RPH3A: variants seen among roughly 807,000 people sequenced by gnomAD.
RPH3A encodes the protein rabphilin-3A.
In RPH3A, 48 loss-of-function variants were observed where a neutral mutation model predicts 102.2. The ratio of observed to expected loss-of-function variants is 0.47; its 90% CI spans 0.37 to 0.60. The LOEUF (loss-of-function observed/expected upper bound fraction) is 0.60, where lower values mean the gene tolerates loss of function less well. RPH3A is among the 20% of genes least tolerant of loss of function. The pLI, the probability that RPH3A is intolerant of heterozygous loss-of-function variation, is 0.00. For synonymous variants in RPH3A, 310 were observed against 324.3 expected (o/e 0.96, Z 0.47); for missense variants, 781 against 910.1 (o/e 0.86, Z 1.83).
intron 4 of RPH3A, among the ~76,000 whole-genome samples, chr12:112,837,643 C>T (rs1246247831): frequency 6.6e-6 from 1 of 152,190 alleles, no homozygotes; most frequent in Middle Eastern, 3.2e-3. Flanking sequence ...AGACCCTGGA[C>T]AGGCAAGATC....
chr12:112,706,849 C>T (rs116803203), intron 1 of RPH3A, among the ~76,000 whole-genome samples: 233 of 152,294 alleles, frequency 1.5e-3, no homozygotes, highest in African/African-American at 4.9e-3. Flanking sequence ...CTTAAGCTTA[C>T]TCCTGCACAG....
intron 1 of RPH3A, among the ~76,000 whole-genome samples, chr12:112,602,270 A>T (rs2039564757): frequency 6.6e-6 from 1 of 152,104 alleles, no homozygotes; most frequent in South Asian, 2.1e-4. Flanking sequence ...CCACTCCTTC[A>T]TGGTGCCTTT....
intron 1 of RPH3A, among the ~76,000 whole-genome samples, chr12:112,715,496 A>G (rs181502752): frequency 6.6e-6 from 1 of 152,314 alleles, no homozygotes; most frequent in Admixed American, 6.5e-5. Flanking sequence ...TAATATTCCT[A>G]GCATCTACAA....
Position 112,732,201 on chromosome 12 carries a change from G to A in RPH3A, c.-139-59942G>A, listed in dbSNP as rs184613834. On this transcript the variant is annotated intron_variant, in intron 1 of 21. Transcript: ENST00000543106. ...TCTCAGAATGATGCCCAAGGGAAAAGCTGGGTTCTGGGGTGTCAGGCCACT... is the reference window on the plus strand; with the variant it reads ...TCTCAGAATGATGCCCAAGGGAAAAACTGGGTTCTGGGGTGTCAGGCCACT... Among the ~76,000 whole-genome samples the A allele has an allele frequency of 1.7e-4, 26 of 152,274 alleles. No individual in the cohort carries two copies. In the East Asian group the frequency reaches 4.4e-3, roughly 26 times the overall value.
intron 15 of RPH3A, 39 bp from the exon 16 acceptor site, chr12:112,883,254 C>T: frequency 1.3e-6 from 2 of 1,542,104 alleles, no homozygotes; most frequent in Non-Finnish European, 1.8e-6. Flanking sequence ...TGGCTCCCCA[C>T]TGAGGTAGGT....
intron 2 of RPH3A, among the ~76,000 whole-genome samples, chr12:112,809,248 G>T (rs950013903): frequency 6.6e-6 from 1 of 152,148 alleles, no homozygotes; most frequent in Non-Finnish European, 1.5e-5. Flanking sequence ...GTATGTCAGT[G>T]GGGAGTTCAT....
intron 1 of RPH3A, among the ~76,000 whole-genome samples, chr12:112,768,715 C>A (rs2040908133): frequency 6.6e-6 from 1 of 152,140 alleles, no homozygotes; most frequent in Non-Finnish European, 1.5e-5. Flanking sequence ...GAGTTGGAGT[C>A]CAGCCTGGGA....
At chr12:112,635,557 CA>C (rs889657296) in intron 1 of RPH3A, among the ~76,000 whole-genome samples, 3 of 151,660 alleles carry the variant, frequency 2.0e-5, no homozygotes, top group Non-Finnish European at 4.4e-5. Flanking sequence ...GCAGACATGA[CA>C]AAAAATGCCA....
At chr12:112,777,056 C>T (rs2040973426) in intron 1 of RPH3A, among the ~76,000 whole-genome samples, 1 of 152,100 alleles carries the variant, frequency 6.6e-6, no homozygotes, top group African/African-American at 2.4e-5. Flanking sequence ...TGTGAAGTCA[C>T]GTTGCAAGGG....
chr12:112,656,214 A>G (rs918775589), intron 1 of RPH3A, among the ~76,000 whole-genome samples: 4 of 152,202 alleles, frequency 2.6e-5, no homozygotes, highest in African/African-American at 9.6e-5. Flanking sequence ...TTTCATTATT[A>G]TAGATTCAGG....
At chr12:112,655,483 C>A (rs1049035943) in intron 1 of RPH3A, among the ~76,000 whole-genome samples, 7 of 151,462 alleles carry the variant, frequency 4.6e-5, no homozygotes, top group African/African-American at 9.7e-5. Context: ...CTGAGAGGGA[C>A]CTTGTGTGTC....
At chr12:112,857,977 C>G (rs1344860564) in intron 5 of RPH3A, among the ~76,000 whole-genome samples, 1 of 152,100 alleles carries the variant, frequency 6.6e-6, no homozygotes, top group Non-Finnish European at 1.5e-5. Context: ...CAAGTGTTGT[C>G]TCTAAATGGG....
intron 2 of RPH3A, among the ~76,000 whole-genome samples, chr12:112,826,199 A>G (rs1464431830): frequency 6.6e-6 from 1 of 152,192 alleles, no homozygotes; most frequent in Non-Finnish European, 1.5e-5. Context: ...AGAGAGCCAG[A>G]CAGGCATCTG....
intron 1 of RPH3A, among the ~76,000 whole-genome samples, chr12:112,705,701 G>A (rs1470510991): frequency 3.9e-5 from 6 of 152,064 alleles, no homozygotes; most frequent in African/African-American, 1.4e-4. Flanking sequence ...ATGTTTAAAT[G>A]TTTAAATTTT....
intron 1 of RPH3A, among the ~76,000 whole-genome samples, chr12:112,671,806 G>A (rs1307528277): frequency 6.6e-6 from 1 of 151,612 alleles, no homozygotes; most frequent in Non-Finnish European, 1.5e-5. Flanking sequence ...AACAGACTGG[G>A]GCTTTGTATT....
chr12:112,875,031 CTGTGTG>C, intron 10 of RPH3A, 47 bp from the exon 11 acceptor site: 2 of 1,392,094 alleles, frequency 1.4e-6, no homozygotes, highest in Non-Finnish European at 2.0e-6. Context: ...CTCCTTCCTG[CTGTGTG>C]TGTGTGTGTG....
At chr12:112,771,525 C>A (rs560049748) in intron 1 of RPH3A, among the ~76,000 whole-genome samples, 8 of 152,246 alleles carry the variant, frequency 5.3e-5, no homozygotes, top group East Asian at 1.9e-4. Context: ...AATAAATATA[C>A]TTTTATATCC....
intron 7 of RPH3A, among the ~76,000 whole-genome samples, chr12:112,867,077 A>T (rs769510528): frequency 6.6e-6 from 1 of 151,166 alleles, no homozygotes; most frequent in Non-Finnish European, 1.5e-5. Context: ...TCTTTCTTTG[A>T]CCCCATTTCT....
rs1181693362 is a variant in RPH3A at position 112,727,377 on chromosome 12, C to G, written c.-139-64766C>G. ...CTGCCCTCCGGCCTGGGCGACAGAG[C>G]AAGACTCTGCCTCAAAAAAAAAAAA... On this transcript the variant is annotated intron_variant, in intron 1 of 21. Coordinates refer to the RPH3A transcript ENST00000543106. Among the ~76,000 whole-genome samples the G allele has an allele frequency of 3.4e-5, 4 of 117,522 alleles. 1 individual carries two copies. In the East Asian group the frequency reaches 9.8e-4, roughly 29 times the overall value. The allele number at this position is 117,522 out of a possible 152,430, so 77.1% of individuals were successfully genotyped here.
Sources: gnomAD v4.1 joint callset for allele counts (sites outside exome capture counted in the v4.1 genomes callset) on GRCh38, gnomAD v4.1.1 for gene constraint, MANE v1.5 for transcripts, NCBI Gene and HGNC (gene_info 2026-07-23, HGNC 2026-07-21) for gene names.